The following TIAM1 variants were observed in gnomAD, a reference collection of about 807,000 sequenced individuals.
TIAM1 encodes TIAM Rac1 associated GEF 1, also known as rho guanine nucleotide exchange factor TIAM1.
In TIAM1, 65 loss-of-function variants were observed where a neutral mutation model predicts 163.5. That is an observed-to-expected ratio of 0.40 (90% CI 0.33 to 0.49). The LOEUF is 0.49. Ranked by LOEUF, TIAM1 falls within the 20% of genes least tolerant of loss-of-function variation. The pLI is 0.77. For synonymous variants in TIAM1, 833 were observed against 810.1 expected, an observed-to-expected ratio of 1.03 and a Z score of -0.48; for missense variants, 1,789 against 2,044.7, an observed-to-expected ratio of 0.87 and a Z score of 2.41.
intron 2 of TIAM1, among the ~76,000 whole-genome samples, chr21:31,300,849 G>GTAAAATGC (rs1652407659): frequency 6.6e-6 from 1 of 152,204 alleles, no homozygotes; most frequent in Non-Finnish European, 1.5e-5. Context: ...TAGAGATACG[G>GTAAAATGC]TAAAATGCTA....
intron 15 of TIAM1, among the ~76,000 whole-genome samples, chr21:31,180,609 G>A (rs2084969797): frequency 6.6e-6 from 1 of 152,056 alleles, no homozygotes; most frequent in African/African-American, 2.4e-5. Flanking sequence ...GTTGCTTATA[G>A]CACATATGTG....
chr21:31,191,842 T>C (rs566660921), intron 13 of TIAM1, among the ~76,000 whole-genome samples: 2 of 152,304 alleles, frequency 1.3e-5, no homozygotes, highest in African/African-American at 4.8e-5. Flanking sequence ...TTCCAATTTC[T>C]GAGTCCCTGA....
At chr21:31,540,925 T>C (rs2048305530) in intron 1 of TIAM1, among the ~76,000 whole-genome samples, 1 of 152,186 alleles carries the variant, frequency 6.6e-6, no homozygotes, top group African/African-American at 2.4e-5. Context: ...TGATTAAGAT[T>C]CCGTTGCTAG....
chr21:31,405,634 C>T (rs1316488930), intron 2 of TIAM1, among the ~76,000 whole-genome samples: 1 of 151,422 alleles, frequency 6.6e-6, no homozygotes, highest in Middle Eastern at 3.2e-3. Flanking sequence ...TTGCAGCAGG[C>T]AAAAAAAAGA....
intron 1 of TIAM1, among the ~76,000 whole-genome samples, chr21:31,510,168 T>G (rs2047166451): frequency 6.6e-6 from 1 of 152,170 alleles, no homozygotes; most frequent in Non-Finnish European, 1.5e-5. Flanking sequence ...CAACAGCAAC[T>G]TATTATCTTA....
chr21:31,464,593 A>T (rs1338299067), intron 1 of TIAM1, among the ~76,000 whole-genome samples: 2 of 152,050 alleles, frequency 1.3e-5, no homozygotes, highest in African/African-American at 4.8e-5. Flanking sequence ...CTGTAATCCT[A>T]GCACTTTGGA....
intron 14 of TIAM1, among the ~76,000 whole-genome samples, chr21:31,185,535 T>C (rs183480644): frequency 7.0e-6 from 1 of 142,824 alleles, no homozygotes; most frequent in Admixed American, 7.4e-5. Flanking sequence ...TATAATATAT[T>C]ATGCCATTAT....
intron 11 of TIAM1, among the ~76,000 whole-genome samples, chr21:31,204,835 G>A (rs770193379): frequency 2.0e-5 from 3 of 152,190 alleles, no homozygotes; most frequent in South Asian, 2.1e-4. Context: ...CATAGCAGAA[G>A]GATAAAGTTT....
Position 31,315,679 on chromosome 21 carries a change from CAAAA to C in TIAM1, c.-189+23560_-189+23563del, listed in dbSNP as rs58560437. On this transcript the variant is annotated intron_variant, in intron 2 of 27. Transcript: ENST00000541036. ...GGGCAACAAGAGCAAAACTCCATCT[CAAAA>C]AAAAAAAAAAAAAAAAGGACAGGCG... is the stretch of plus-strand genomic sequence containing the variant. Among the ~76,000 whole-genome samples, 474 of 80,234 alleles carry C rather than the reference CAAAA, an allele frequency of 5.9e-3. 9 individuals carry two copies. The highest frequency in any genetic ancestry group is 0.019 in the African/African-American group (433 of 22,356). The allele number at this position is 80,234 out of a possible 152,430, so 52.6% of individuals were successfully genotyped here.
At chr21:31,378,136 CAAAAAA>C (rs367907079) in intron 2 of TIAM1, among the ~76,000 whole-genome samples, 1 of 48,158 alleles carries the variant, frequency 2.1e-5, no homozygotes, top group African/African-American at 8.0e-5. Context: ...AACTCTGTCT[CAAAAAA>C]AAAAAAAAAA....
chr21:31,189,245 G>A (rs2085445485), intron 13 of TIAM1, among the ~76,000 whole-genome samples: 1 of 151,474 alleles, frequency 6.6e-6, no homozygotes, highest in South Asian at 2.1e-4. Flanking sequence ...GGTAGAGATG[G>A]GGTTCCGTCA....
chr21:31,402,628 C>G (rs1253430654), intron 2 of TIAM1, among the ~76,000 whole-genome samples: 1 of 152,040 alleles, frequency 6.6e-6, no homozygotes, highest in East Asian at 1.9e-4. Context: ...TAGTATTTCC[C>G]CCCTCAGTTT....
At chr21:31,257,785 C>T (rs1452863470) in intron 4 of TIAM1, among the ~76,000 whole-genome samples, 1 of 152,068 alleles carries the variant, frequency 6.6e-6, no homozygotes, top group African/African-American at 2.4e-5. Context: ...GGGCATACTC[C>T]CAACCTTTCT....
intron 2 of TIAM1, among the ~76,000 whole-genome samples, chr21:31,458,169 C>CA (rs1197397718): frequency 6.6e-6 from 1 of 152,140 alleles, no homozygotes; most frequent in Non-Finnish European, 1.5e-5. Context: ...CCTGTAATCC[C>CA]AACACTTTGG....
At chr21:31,532,550 C>T (rs903210177) in intron 1 of TIAM1, among the ~76,000 whole-genome samples, 2 of 152,084 alleles carry the variant, frequency 1.3e-5, no homozygotes, top group Non-Finnish European at 2.9e-5. Context: ...TAATGTCTAC[C>T]TAATCTTTTA....
chr21:31,306,226 G>A (rs111338258), intron 2 of TIAM1, among the ~76,000 whole-genome samples: 1 of 152,040 alleles, frequency 6.6e-6, no homozygotes, highest in African/African-American at 2.4e-5. Flanking sequence ...TGAGGCTGTG[G>A]TGAGTTCTGA....
At position 31,367,995 on chromosome 21, in the gene TIAM1, C is replaced by T. The variant is rs552969868; in HGVS notation, c.-368-28573G>A. Among the ~76,000 whole-genome samples, 250 of 152,186 alleles carry T rather than the reference C, an allele frequency of 1.6e-3. 1 individual carries two copies. The highest frequency in any genetic ancestry group is 3.4e-3 in the Middle Eastern group (1 of 294). ...ATCAATGAGCTGAACCCAAAAATAG[C>T]CACTCTAGAATATTCATGAGAGGCC... On this transcript the variant is annotated intron_variant, in intron 2 of 28. Coordinates refer to the TIAM1 transcript ENST00000286827.
chr21:31,546,498 T>A (rs948118830), intron 1 of TIAM1, among the ~76,000 whole-genome samples: 2 of 149,908 alleles, frequency 1.3e-5, no homozygotes, highest in East Asian at 2.1e-4. Context: ...TGCAGTGAGA[T>A]GAGATCGCAC....
chr21:31,420,314 T>TA (rs1569315338), intron 2 of TIAM1, among the ~76,000 whole-genome samples: 1 of 152,132 alleles, frequency 6.6e-6, no homozygotes, highest in African/African-American at 2.4e-5. Context: ...TCCATGTCTG[T>TA]AAAAAATACC....
Sources: allele counts gnomAD v4.1 joint callset (sites outside exome capture counted in the v4.1 genomes callset), GRCh38; gene constraint gnomAD v4.1.1; transcripts MANE v1.5; gene names NCBI Gene and HGNC (gene_info 2026-07-23, HGNC 2026-07-21).